Variants in PDHX observed in about 807,000 individuals in gnomAD.
PDHX encodes pyruvate dehydrogenase complex component X.
A neutral mutation model predicts 55.3 loss-of-function variants in PDHX; 33 were observed. That is an observed-to-expected ratio of 0.60 (90% CI 0.45 to 0.80). The LOEUF (loss-of-function observed/expected upper bound fraction) is 0.80. Ranked by LOEUF, PDHX falls within the 30% of genes least tolerant of loss-of-function variation. The pLI is 0.00. For synonymous variants in PDHX, 226 were observed against 219.4 expected, an observed-to-expected ratio of 1.03 and a Z score of -0.27; for missense variants, 622 against 619.9, an observed-to-expected ratio of 1.00 and a Z score of -0.04.
At chr11:34,917,402 T>G (rs114508775) in intron 1 of PDHX, among the ~76,000 whole-genome samples, 6,382 of 152,284 alleles carry the variant, frequency 0.042, 186 homozygotes, top group South Asian at 0.077. Flanking sequence ...ATTTAGGAGA[T>G]AAATCATACC....
rs144806314 is a variant in PDHX, at chr11:34,918,441, GAAA to G, written c.160+1638_160+1640del. ...GACAGAGTGAGACCCTGTCTCAGGA[GAAA>G]AAAAAAAAAAAGTATACATAGGCCC... On this transcript the variant is annotated intron_variant, in intron 1 of 10. Coordinates refer to ENST00000227868, the MANE Select transcript of PDHX (RefSeq NM_003477.3). 8.9e-4 allele frequency among the ~76,000 whole-genome samples: 132 copies of G among 147,704 alleles called. 1 individual carries two copies. In the South Asian group the frequency reaches 0.016, roughly 18 times the overall value.
intron 7 of PDHX, among the ~76,000 whole-genome samples, chr11:34,973,433 T>C (rs1355631924): frequency 6.6e-6 from 1 of 152,222 alleles, no homozygotes; most frequent in Non-Finnish European, 1.5e-5. Context: ...GATTTAAATC[T>C]ACCATTTTGT....
At chr11:34,976,251 A>G (rs1358457326) in intron 7 of PDHX, among the ~76,000 whole-genome samples, 2 of 152,208 alleles carry the variant, frequency 1.3e-5, no homozygotes, top group Admixed American at 6.5e-5. Context: ...GTTACAATAC[A>G]TAACATTCTG....
Position 34,930,803 on chromosome 11 carries a change from G to C in PDHX, c.161-601G>C, listed in dbSNP as rs376639172. Among the ~76,000 whole-genome samples the C allele has an allele frequency of 2.8e-3, 426 of 152,344 alleles. 2 individuals are homozygous for C. Among genetic ancestry groups the C allele is most frequent in the Middle Eastern group, 0.024 (7 of 294 alleles). ...TGAATTGTGGTATGCAACAAAATGT[G>C]AGGTTAATTTAACCATTTAAATTCT... is the stretch of plus-strand genomic sequence containing the variant. On this transcript the variant is annotated intron_variant, in intron 1 of 10. Coordinates refer to ENST00000227868, the MANE Select transcript of PDHX (RefSeq NM_003477.3).
chr11:34,923,371 G>T (rs528091358), intron 1 of PDHX, among the ~76,000 whole-genome samples: 1 of 152,226 alleles, frequency 6.6e-6, no homozygotes, highest in East Asian at 1.9e-4. Flanking sequence ...TATTAGCCCT[G>T]GTTTTTGGAG....
At chr11:34,942,944 A>T (rs3852516) in intron 2 of PDHX, among the ~76,000 whole-genome samples, 2 of 152,094 alleles carry the variant, frequency 1.3e-5, no homozygotes, top group Non-Finnish European at 2.9e-5. Flanking sequence ...AAAAAAGGCT[A>T]TCTTTTTAAA....
chr11:34,970,904 T>A (rs2762958), intron 7 of PDHX, among the ~76,000 whole-genome samples: 106,476 of 152,064 alleles, frequency 0.7, 37,475 homozygotes, highest in Middle Eastern at 0.77. Context: ...TTGGTTAGTT[T>A]TTTTAAAAGC....
Position 34,995,268 on chromosome 11 carries a change from G to C in PDHX, c.*96G>C. On this transcript the variant is annotated 3_prime_UTR_variant, in exon 11 of 11. Transcript: ENST00000227868. ...GGAAAACAACTTGGTATTTAAGTAT[G>C]AAGTGGATGAAATGTTTATTTATTT... 1 of 1,288,670 alleles carries C rather than the reference G, an allele frequency of 7.8e-7. No individual in the cohort carries two copies. The highest frequency in any genetic ancestry group is 1.1e-6 in the Non-Finnish European group (1 of 889,576). The allele number at this position is 1,288,670 out of a possible 1,614,324, so 79.8% of individuals were successfully genotyped here.
intron 3 of PDHX, among the ~76,000 whole-genome samples, chr11:34,956,162 TG>T (rs1854902260): frequency 6.6e-6 from 1 of 151,938 alleles, no homozygotes; most frequent in Admixed American, 6.6e-5. Flanking sequence ...TTCCATAGCT[TG>T]TAATTCATTA....
In PDHX at chr11:34,991,017, T is replaced by G. The variant is rs536621087; in HGVS notation, c.1183-1298T>G. ...CCTCTTAAGTTAATTCGTTATTAAT[T>G]TTTTATATATGATGACTCAACCTCT... On this transcript the variant is annotated intron_variant, in intron 9 of 10. Transcript: ENST00000227868. Among the ~76,000 whole-genome samples the G allele has an allele frequency of 2.6e-5, 4 of 152,292 alleles. No homozygotes were observed. In the East Asian group the frequency reaches 7.7e-4, roughly 29 times the overall value.
At chr11:34,970,018 C>A in intron 6 of PDHX, 121 bp from the exon 7 acceptor site, 1 of 823,312 alleles carries the variant, frequency 1.2e-6, no homozygotes, top group Non-Finnish European at 2.0e-6. Flanking sequence ...TTGTGTTAAT[C>A]TTTAATTAAT....
Position 34,980,278 on chromosome 11 carries a change from C to T in PDHX, c.1023+2096C>T, listed in dbSNP as rs12792494. Among the ~76,000 whole-genome samples the T allele has an allele frequency of 6.2e-3, 913 of 147,790 alleles. 4 individuals carry two copies. Among genetic ancestry groups the T allele is most frequent in the Non-Finnish European group, 9.2e-3 (612 of 66,884 alleles). The stretch of plus-strand genomic sequence containing the variant: ...TTGTTATGTATTTTTTCCTTCATTT[C>T]CTTAGATTCATTTTGGTCAGAACTT... On this transcript the variant is annotated intron_variant, in intron 8 of 10. Coordinates refer to ENST00000227868, the MANE Select transcript of PDHX (RefSeq NM_003477.3).
At chr11:34,944,367 A>AC (rs1345493688) in intron 2 of PDHX, among the ~76,000 whole-genome samples, 10 of 152,108 alleles carry the variant, frequency 6.6e-5, no homozygotes, top group Admixed American at 2.6e-4. Flanking sequence ...TGATCCACCC[A>AC]CCTCGGCCTC....
chr11:34,957,750 T>C (rs2133973162), intron 4 of PDHX, among the ~76,000 whole-genome samples, 167 bp downstream of exon 4: 1 of 152,044 alleles, frequency 6.6e-6, no homozygotes, highest in South Asian at 2.1e-4. Flanking sequence ...TAACCATCAT[T>C]GTTCATTCAG....
intron 1 of PDHX, among the ~76,000 whole-genome samples, chr11:34,929,712 A>G: frequency 6.6e-6 from 1 of 152,212 alleles, no homozygotes; most frequent in East Asian, 1.9e-4. Flanking sequence ...TTTAGCATGA[A>G]GATTCGCATC....
chr11:34,919,879 A>G (rs1853831418), intron 1 of PDHX, among the ~76,000 whole-genome samples: 1 of 152,230 alleles, frequency 6.6e-6, no homozygotes, highest in Non-Finnish European at 1.5e-5. Flanking sequence ...CACATGGCAC[A>G]TTTAATCATA....
chr11:34,982,710 A>G (rs1201836219), intron 8 of PDHX, among the ~76,000 whole-genome samples: 1 of 152,198 alleles, frequency 6.6e-6, no homozygotes, highest in Non-Finnish European at 1.5e-5. Context: ...ACACCCTCCC[A>G]AGACTAAACC....
chr11:34,966,909 T>C, intron 6 of PDHX, 95 bp downstream of exon 6: 1 of 1,101,586 alleles, frequency 9.1e-7, no homozygotes, highest in South Asian at 1.3e-5. Flanking sequence ...TGGAGTGCAA[T>C]GGCACAATCT....
At chr11:34,977,956 T>A in intron 7 of PDHX, 168 bp from the exon 8 acceptor site, 1 of 610,576 alleles carries the variant, frequency 1.6e-6, no homozygotes, top group Non-Finnish European at 3.0e-6. Flanking sequence ...CCTCATATAA[T>A]GCAAGTTTTT....
Sources: gnomAD v4.1 joint callset for allele counts (sites outside exome capture counted in the v4.1 genomes callset) on GRCh38, gnomAD v4.1.1 for gene constraint, MANE v1.5 for transcripts, NCBI Gene and HGNC (gene_info 2026-07-23, HGNC 2026-07-21) for gene names.